NXPE4: variants seen among roughly 807,000 people sequenced by gnomAD.
NXPE4 encodes the protein NXPE family member 4.
In NXPE4, 42 loss-of-function variants were observed where a neutral mutation model predicts 33.3. That is an observed-to-expected ratio of 1.26 (90% CI 0.98 to 1.63). The LOEUF (loss-of-function observed/expected upper bound fraction) is 1.63. NXPE4 is among the 40% of genes most tolerant of loss of function. The pLI is 0.00. For missense variants in NXPE4, 709 were observed against 647.6 expected, an observed-to-expected ratio of 1.09 and a Z score of -1.03; for synonymous variants, 253 against 234.9, an observed-to-expected ratio of 1.08 and a Z score of -0.71.
chr11:114,624,169 A>G, the NXPE4 span, among the ~76,000 whole-genome samples: 1 of 151,508 alleles, frequency 6.6e-6, no homozygotes, highest in South Asian at 2.1e-4. Context: ...CCAATGTTAT[A>G]TGGTAGATAA....
chr11:114,578,602 T>C (rs916486862), intron 5 of NXPE4, among the ~76,000 whole-genome samples: 4 of 152,192 alleles, frequency 2.6e-5, no homozygotes, highest in Non-Finnish European at 5.9e-5. Flanking sequence ...TTTCATTGGA[T>C]CAACTTTCCT....
At chr11:114,647,251 G>A in the NXPE4 span, among the ~76,000 whole-genome samples, 3 of 152,230 alleles carry the variant, frequency 2.0e-5, no homozygotes, top group East Asian at 1.9e-4. Context: ...AAGATTTTGA[G>A]TTTATGTTCC....
the NXPE4 span, among the ~76,000 whole-genome samples, chr11:114,630,795 A>G: frequency 6.6e-6 from 1 of 151,970 alleles, no homozygotes; most frequent in Non-Finnish European, 1.5e-5. Context: ...GTTAATATCC[A>G]GAATCTACAA....
chr11:114,598,425 G>C (rs1207602130), upstream of NXPE4, among the ~76,000 whole-genome samples: 1 of 152,210 alleles, frequency 6.6e-6, no homozygotes, highest in Non-Finnish European at 1.5e-5. Context: ...TCTGTGTGGG[G>C]GCTCCAGCCC....
At chr11:114,643,884 C>G in the NXPE4 span, among the ~76,000 whole-genome samples, 1 of 152,032 alleles carries the variant, frequency 6.6e-6, no homozygotes, top group East Asian at 1.9e-4. Context: ...ATTAATTCTT[C>G]CTATTCATGA....
At chr11:114,653,364 G>A in the NXPE4 span, among the ~76,000 whole-genome samples, 15 of 152,070 alleles carry the variant, frequency 9.9e-5, no homozygotes, top group East Asian at 2.9e-3. Context: ...TAAGCTCAAC[G>A]GTTTTGTTGT....
At chr11:114,642,279 C>T in the NXPE4 span, among the ~76,000 whole-genome samples, 5 of 152,000 alleles carry the variant, frequency 3.3e-5, no homozygotes, top group African/African-American at 4.8e-5. Context: ...TTGAGGGATA[C>T]TGTTTATAAA....
the NXPE4 span, among the ~76,000 whole-genome samples, chr11:114,651,633 C>T: frequency 2.6e-5 from 4 of 152,106 alleles, no homozygotes; most frequent in African/African-American, 9.7e-5. Context: ...CACTGATTGG[C>T]CCATTTTACA....
the NXPE4 span, among the ~76,000 whole-genome samples, chr11:114,644,721 A>G: frequency 6.6e-6 from 1 of 152,182 alleles, no homozygotes; most frequent in South Asian, 2.1e-4. Flanking sequence ...TCAAATCTCT[A>G]TAAGCTGATT....
the NXPE4 span, among the ~76,000 whole-genome samples, chr11:114,642,171 A>C: frequency 1.3e-5 from 2 of 152,008 alleles, no homozygotes; most frequent in African/African-American, 2.4e-5. Context: ...TGTACCCTTG[A>C]TATGATGTGA....
At chr11:114,590,534 T>C (rs1014179641) in intron 2 of NXPE4, among the ~76,000 whole-genome samples, 12 of 152,278 alleles carry the variant, frequency 7.9e-5, no homozygotes, top group African/African-American at 2.9e-4. Flanking sequence ...TCTCCTAACC[T>C]GGAAACCTAA....
chr11:114,654,343 T>G, the NXPE4 span, among the ~76,000 whole-genome samples: 1 of 148,702 alleles, frequency 6.7e-6, no homozygotes, highest in East Asian at 2.0e-4. Context: ...ATCCCAACTA[T>G]TTTTTTTTTA....
chr11:114,637,688 G>T, the NXPE4 span, among the ~76,000 whole-genome samples: 1 of 150,930 alleles, frequency 6.6e-6, no homozygotes, highest in African/African-American at 2.4e-5. Context: ...GCATTTGCTT[G>T]TCTGTAAAGT....
chr11:114,675,069 TAAAGAA>T, the NXPE4 span, among the ~76,000 whole-genome samples: 1 of 151,614 alleles, frequency 6.6e-6, no homozygotes, highest in Admixed American at 6.6e-5. Context: ...TCTCAATAGA[TAAAGAA>T]AAAGGATTTG....
At chr11:114,578,704 C>T (rs1179438314) in intron 5 of NXPE4, among the ~76,000 whole-genome samples, 4 of 152,104 alleles carry the variant, frequency 2.6e-5, no homozygotes, top group East Asian at 1.9e-4. Flanking sequence ...AGCCAGGATC[C>T]GGGGTCATAG....
the NXPE4 span, among the ~76,000 whole-genome samples, chr11:114,629,583 T>G: frequency 3.3e-5 from 5 of 152,020 alleles, no homozygotes; most frequent in African/African-American, 4.8e-5. Context: ...GGGCAAAAAC[T>G]GGAAGCATTC....
the NXPE4 span, among the ~76,000 whole-genome samples, chr11:114,644,933 G>C: frequency 6.6e-6 from 1 of 151,590 alleles, no homozygotes; most frequent in Non-Finnish European, 1.5e-5. Flanking sequence ...ATAAAAGCTT[G>C]ATAAATAACA....
chr11:114,597,223 T>C (rs535911549), upstream of NXPE4, among the ~76,000 whole-genome samples: 1 of 151,878 alleles, frequency 6.6e-6, no homozygotes, highest in Non-Finnish European at 1.5e-5. Flanking sequence ...TTAAATGAAA[T>C]AATAAAAAAT....
the NXPE4 span, among the ~76,000 whole-genome samples, chr11:114,650,227 A>G: frequency 6.6e-6 from 1 of 152,200 alleles, no homozygotes; most frequent in Non-Finnish European, 1.5e-5. Context: ...TTGGTAGAGC[A>G]CAGGAAAAAG....
Sources: gnomAD v4.1 joint callset for allele counts (sites outside exome capture counted in the v4.1 genomes callset) on GRCh38, gnomAD v4.1.1 for gene constraint, MANE v1.5 for transcripts, NCBI Gene and HGNC (gene_info 2026-07-23, HGNC 2026-07-21) for gene names.